ERCC6L: variants seen among roughly 807,000 people sequenced by gnomAD.
The protein encoded by ERCC6L is DNA excision repair protein ERCC-6-like.
In ERCC6L, 7 loss-of-function variants were observed where a neutral mutation model predicts 20.1. The ratio of observed to expected loss-of-function variants is 0.35; its 90% confidence interval spans 0.20 to 0.65. The LOEUF (loss-of-function observed/expected upper bound fraction) is 0.65. Ranked by LOEUF, ERCC6L falls within the 30% of genes least tolerant of loss-of-function variation. The pLI, the probability that ERCC6L is intolerant of heterozygous loss-of-function variation, is 0.69. For synonymous variants in ERCC6L, 278 were observed against 331.3 expected (o/e 0.84, Z 1.75); for missense variants, 592 against 892.4 (o/e 0.66, Z 4.29).
At chrX:72,215,693 C>T (rs1276563136) in intron 1 of ERCC6L, among the ~76,000 whole-genome samples, 1 of 111,455 alleles carries the variant, frequency 9.0e-6, no homozygotes, top group Non-Finnish European at 1.9e-5. Flanking sequence ...TCTTACCTAG[C>T]ACTCTAATGT....
At chrX:72,235,389 C>CTT (rs144267277) in intron 1 of ERCC6L, among the ~76,000 whole-genome samples, 794 of 68,346 alleles carry the variant, frequency 0.012, 4 homozygotes, top group East Asian at 0.052. Flanking sequence ...CCCTCTTCCA[C>CTT]TTTTTTTTTT....
Position 72,206,859 on chromosome X carries a change from A to G in ERCC6L, c.1908T>C (p.Ser636=). The change falls in exon 2 of 2, where the codon TCT becomes TCC. Residue 636 remains serine, a synonymous_variant. Coordinates refer to ENST00000334463, the MANE Select transcript of ERCC6L (RefSeq NM_017669.4). The stretch of plus-strand genomic sequence containing the variant: ...AAGACTGAAGCTGCAGCTGGGTTAC[A>G]GAGTTCTGAAGATCCTCGATTGTAA... ...ELFTIEDLQN[S]VTQLQLQSLH... The G allele has an allele frequency of 8.3e-7, 1 of 1,211,745 alleles. No individual in the cohort carries two copies. The highest frequency in any genetic ancestry group is 1.1e-6 in the Non-Finnish European group (1 of 895,490).
chrX:72,231,277 T>C (rs1327958582), intron 1 of ERCC6L, among the ~76,000 whole-genome samples: 1 of 111,942 alleles, frequency 8.9e-6, no homozygotes, highest in African/African-American at 3.2e-5. Flanking sequence ...GCAACATGAA[T>C]GAACCTAAAA....
intron 1 of ERCC6L, among the ~76,000 whole-genome samples, chrX:72,228,395 A>C (rs961887575): frequency 2.7e-5 from 3 of 111,825 alleles, no homozygotes; most frequent in Non-Finnish European, 5.6e-5. Flanking sequence ...GGGACTCCCC[A>C]ACTGGTTTCA....
chrX:72,209,922 A>C (rs948113856), intron 1 of ERCC6L, among the ~76,000 whole-genome samples: 1 of 111,240 alleles, frequency 9.0e-6, no homozygotes, highest in Non-Finnish European at 1.9e-5. Flanking sequence ...TACCATACAC[A>C]AAAATTAACT....
At chrX:72,227,476 A>G (rs1323864633) in intron 1 of ERCC6L, among the ~76,000 whole-genome samples, 2 of 112,158 alleles carry the variant, frequency 1.8e-5, no homozygotes, top group African/African-American at 3.2e-5. Context: ...GCATTCCCAC[A>G]TAAACCCTTA....
chrX:72,231,580 C>CTCCCTCTG (rs1002713130), intron 1 of ERCC6L, among the ~76,000 whole-genome samples: 4 of 109,051 alleles, frequency 3.7e-5, no homozygotes, highest in African/African-American at 1.3e-4. Context: ...GAGACAGGGT[C>CTCCCTCTG]TCCCTCTGTC....
intron 1 of ERCC6L, among the ~76,000 whole-genome samples, chrX:72,228,758 TC>T (rs1023373906): frequency 9.0e-6 from 1 of 111,162 alleles, no homozygotes. Context: ...TGTTTTTTTT[TC>T]AATACAAATA....
In ERCC6L at chrX:72,207,105, A is replaced by G; in HGVS notation, c.1662T>C (p.Phe554=). 1 of 1,209,981 alleles carries G rather than the reference A, an allele frequency of 8.3e-7. No homozygotes were observed. Among genetic ancestry groups the G allele is most frequent in the Non-Finnish European group, 1.1e-6 (1 of 895,273 alleles). The change falls in exon 2 of 2, where the codon TTT becomes TTC. Residue 554 remains phenylalanine, a synonymous_variant. Coordinates refer to ENST00000334463, the MANE Select transcript of ERCC6L (RefSeq NM_017669.4). Reference sequence around the variant, plus strand: ...CAGTTGCAGGATTCCAGCTAGGGTCAAAAATGACCACTCTAGTTGCTGCAG... The same window carrying G: ...CAGTTGCAGGATTCCAGCTAGGGTCGAAAATGACCACTCTAGTTGCTGCAG... ...TLTAATRVVI[F]DPSWNPATDA...
At chrX:72,230,335 G>A (rs748349133) in intron 1 of ERCC6L, among the ~76,000 whole-genome samples, 8 of 109,899 alleles carry the variant, frequency 7.3e-5, no homozygotes, top group Non-Finnish European at 7.6e-5. Flanking sequence ...GAGATAACCC[G>A]CCTTGGCTGG....
At chrX:72,226,281 G>A (rs1474494231) in intron 1 of ERCC6L, among the ~76,000 whole-genome samples, 1 of 111,572 alleles carries the variant, frequency 9.0e-6, no homozygotes, top group Non-Finnish European at 1.9e-5. Flanking sequence ...AGATGGCAGT[G>A]CATCAGAAAA....
intron 1 of ERCC6L, among the ~76,000 whole-genome samples, chrX:72,232,366 T>C (rs1381368384): frequency 1.9e-4 from 14 of 75,103 alleles, no homozygotes; most frequent in African/African-American, 5.3e-4. Flanking sequence ...GGTGGATCAC[T>C]TGGGCTCAGG....
rs199674996 is a variant in ERCC6L at position 72,232,703 on chromosome X, AG to A, written c.68+6140del. On this transcript the variant is annotated intron_variant, in intron 1 of 1. Coordinates refer to ENST00000334463, the MANE Select transcript of ERCC6L (RefSeq NM_017669.4). ...CACCCACCTGTAATCCCAGCTACTC[AG>A]GAGGCTGAGGCAGGAGAATCACTTG... Among the ~76,000 whole-genome samples, 669 of 111,744 alleles carry A rather than the reference AG, an allele frequency of 6.0e-3. 5 individuals are homozygous for A. The highest frequency in any genetic ancestry group is 0.02 in the African/African-American group (619 of 30,831).
In ERCC6L at chrX:72,205,199, G is replaced by T; in HGVS notation, c.3568C>A (p.Gln1190Lys). 1 of 1,211,346 alleles carries T rather than the reference G, an allele frequency of 8.3e-7. No homozygotes were observed. Among genetic ancestry groups the T allele is most frequent in the Non-Finnish European group, 1.1e-6 (1 of 895,387 alleles). Residue 1190 changes from glutamine to lysine, a missense_variant, in exon 2 of 2, where the codon CAG (glutamine) becomes AAG (lysine). Physicochemically the swap from Gln to Lys is moderately conservative, Grantham distance 53. Around this residue, in one of 3 missense-constraint regions of ERCC6L, gnomAD observed 352 missense variants for 402.6 expected, o/e 0.87. Transcript: ENST00000334463. Reference sequence around the variant, plus strand: ...TTTGTAGCCTCTGCCGCCTTATCCTGGGGAGAACCAACCAACTGTTCACCA... The same window carrying T: ...TTTGTAGCCTCTGCCGCCTTATCCTTGGGAGAACCAACCAACTGTTCACCA... ...LSGEQLVGSP[Q>K]DKAAEATNDY...
rs762739438 is a variant in ERCC6L at position 72,227,116 on chromosome X, C to T, written c.68+11728G>A. Among the ~76,000 whole-genome samples, 8 of 111,975 alleles carry T rather than the reference C, an allele frequency of 7.1e-5. No individual in the cohort carries two copies. In the South Asian group the frequency reaches 1.9e-3, roughly 26 times the overall value. On this transcript the variant is annotated intron_variant, in intron 1 of 1. Transcript: ENST00000334463. ...CCATATGCCCCCAGTTAAAAAGGTT[C>T]GGTTTCTTCCAGTTCTCATCAATAC... is the stretch of plus-strand genomic sequence containing the variant.
intron 1 of ERCC6L, 22 bp downstream of exon 1, chrX:72,238,822 C>T (rs1336208464): frequency 6.8e-6 from 8 of 1,174,583 alleles, no homozygotes; most frequent in South Asian, 1.9e-5. Context: ...TTAGCTAGAC[C>T]CGCCCAGCGG....
rs748711793 is a variant in ERCC6L at position 72,206,007 on chromosome X, GTCA to G, written c.2757_2759del (p.Asp920del). On this transcript the variant is annotated inframe_deletion, in exon 2 of 2. Coordinates refer to ENST00000334463, the MANE Select transcript of ERCC6L (RefSeq NM_017669.4). Reference sequence around the variant, plus strand: ...GCAGTGCACTATGGGATGCTGAAAGGTCATCAGCTATTTCAATAATGGATACAT... The same window carrying G: ...GCAGTGCACTATGGGATGCTGAAAGGTCAGCTATTTCAATAATGGATACAT... 7.4e-6 allele frequency: 9 copies of G among 1,210,045 alleles called. No homozygotes were observed. The East Asian group carries it at 2.1e-4, about 28-fold the overall frequency.
At chrX:72,235,233 C>G (rs1041822130) in intron 1 of ERCC6L, among the ~76,000 whole-genome samples, 2 of 111,017 alleles carry the variant, frequency 1.8e-5, no homozygotes, top group Admixed American at 9.6e-5. Flanking sequence ...TCTGGAGGCT[C>G]TAGGGGGAGA....
intron 1 of ERCC6L, among the ~76,000 whole-genome samples, chrX:72,223,366 G>C (rs1027367996): frequency 1.9e-5 from 2 of 104,014 alleles, no homozygotes; most frequent in African/African-American, 7.0e-5. Flanking sequence ...ATTAGAGGAA[G>C]GTCCCCAAAC....
Sources: gnomAD v4.1 joint callset for allele counts (sites outside exome capture counted in the v4.1 genomes callset) on GRCh38, gnomAD v4.1.1 for gene constraint, gnomAD v4.1.1 regional missense constraint, MANE v1.5 for transcripts, NCBI Gene and HGNC (gene_info 2026-07-23, HGNC 2026-07-21) for gene names.